Variants in PDE4D observed in about 807,000 individuals in gnomAD.
PDE4D encodes the protein 3',5'-cyclic-AMP phosphodiesterase 4D.
A neutral mutation model predicts 87.4 loss-of-function variants in PDE4D; 24 were observed. The ratio of observed to expected loss-of-function variants is 0.27; its 90% CI spans 0.20 to 0.39. The LOEUF is 0.39. Among genes scored for constraint, PDE4D ranks in the 10% least tolerant of loss-of-function variants. The pLI, the probability that PDE4D is intolerant of heterozygous loss-of-function variation, is 1.00. For synonymous variants in PDE4D, 384 were observed against 383.2 expected (o/e 1.00, Z -0.02); for missense variants, 714 against 1,041.0 (o/e 0.69, Z 4.32).
intron 1 of PDE4D, among the ~76,000 whole-genome samples, chr5:59,786,798 A>G (rs1051321482): frequency 3.3e-5 from 5 of 152,186 alleles, no homozygotes; most frequent in Admixed American, 2.0e-4. Context: ...ATAGCTTTGA[A>G]TCAAGTATCT....
At chr5:59,813,708 G>A (rs1768642200) in intron 1 of PDE4D, among the ~76,000 whole-genome samples, 2 of 152,118 alleles carry the variant, frequency 1.3e-5, no homozygotes, top group South Asian at 4.1e-4. Context: ...AAAAAACTCA[G>A]GCCTGTTAAG....
chr5:59,652,121 C>A (rs183128458), intron 1 of PDE4D, among the ~76,000 whole-genome samples: 1 of 152,312 alleles, frequency 6.6e-6, no homozygotes, highest in East Asian at 1.9e-4. Context: ...TCCCATAATT[C>A]TGCCTTCTTC....
At position 59,034,818 on chromosome 5, in the gene PDE4D, C is replaced by G. The variant is rs569240165; in HGVS notation, c.921+4041G>C. On this transcript the variant is annotated intron_variant, in intron 6 of 14. Coordinates refer to ENST00000340635, the MANE Select transcript of PDE4D (RefSeq NM_001104631.2). ...GGATTCTAACTTCAAGACAGACTTTCAGCTTGAAACACAGTCATTTCCAGC... is the reference window on the plus strand; with the variant it reads ...GGATTCTAACTTCAAGACAGACTTTGAGCTTGAAACACAGTCATTTCCAGC... Among the ~76,000 whole-genome samples the G allele has an allele frequency of 5.3e-5, 8 of 152,338 alleles. No homozygotes were observed. The East Asian group carries it at 9.6e-4, about 18-fold the overall frequency.
chr5:60,486,181 C>T (rs951647958), intron 1 of PDE4D, among the ~76,000 whole-genome samples: 11 of 152,158 alleles, frequency 7.2e-5, no homozygotes, highest in African/African-American at 2.2e-4. Context: ...CTTAGATGGG[C>T]TCCAGACCAC....
chr5:59,036,688 C>A (rs1758570875), intron 6 of PDE4D, among the ~76,000 whole-genome samples: 1 of 152,124 alleles, frequency 6.6e-6, no homozygotes, highest in African/African-American at 2.4e-5. Context: ...GTAAGCTTAG[C>A]ACTGATTTAG....
chr5:60,274,504 G>A (rs1751164192), intron 1 of PDE4D, among the ~76,000 whole-genome samples: 1 of 152,128 alleles, frequency 6.6e-6, no homozygotes, highest in Non-Finnish European at 1.5e-5. Context: ...GAGATTACCG[G>A]CATGTGCCAC....
intron 1 of PDE4D, among the ~76,000 whole-genome samples, chr5:59,401,933 C>T (rs369940033): frequency 6.6e-6 from 1 of 152,186 alleles, no homozygotes; most frequent in African/African-American, 2.4e-5. Context: ...AAGTTCAGGG[C>T]TTTTCTTCTA....
intron 1 of PDE4D, among the ~76,000 whole-genome samples, chr5:59,796,860 A>C (rs2152658001): frequency 6.6e-6 from 1 of 152,274 alleles, no homozygotes; most frequent in African/African-American, 2.4e-5. Context: ...GTTATGCTCA[A>C]ACCCAAACAA....
intron 1 of PDE4D, among the ~76,000 whole-genome samples, chr5:59,353,480 A>G (rs1217587641): frequency 6.6e-6 from 1 of 151,948 alleles, no homozygotes; most frequent in East Asian, 1.9e-4. Context: ...GTTGCTCTAA[A>G]GTAATTAGGT....
chr5:60,305,070 C>CACA (rs1491113759), intron 1 of PDE4D, among the ~76,000 whole-genome samples: 1 of 146,854 alleles, frequency 6.8e-6, no homozygotes, highest in African/African-American at 2.6e-5. Context: ...CACACACACA[C>CACA]AACACACAAC....
intron 1 of PDE4D, among the ~76,000 whole-genome samples, chr5:60,238,649 T>C (rs953256168): frequency 6.6e-6 from 1 of 152,038 alleles, no homozygotes; most frequent in African/African-American, 2.4e-5. Context: ...CAGCCATTTT[T>C]TTCTGTCGAT....
At chr5:59,657,015 C>G (rs1049794840) in intron 1 of PDE4D, among the ~76,000 whole-genome samples, 2 of 152,074 alleles carry the variant, frequency 1.3e-5, no homozygotes, top group African/African-American at 4.8e-5. Context: ...ATCAAATACA[C>G]CACATAAAAT....
At chr5:59,614,190 C>T (rs1445375599) in intron 1 of PDE4D, among the ~76,000 whole-genome samples, 1 of 152,134 alleles carries the variant, frequency 6.6e-6, no homozygotes, top group Non-Finnish European at 1.5e-5. Context: ...GGGGAGCACA[C>T]ATTGAGTTCA....
Position 60,402,477 on chromosome 5 carries a change from T to C in PDE4D, c.-90+85465A>G, listed in dbSNP as rs1009357048. On this transcript the variant is annotated intron_variant, in intron 1 of 16. Coordinates refer to the PDE4D transcript ENST00000502484. ...TGTTCAGTAATTGGCTCTACCCTTG[T>C]TCCGTGGGACACCTACAGCCACGAA... 2.6e-5 allele frequency among the ~76,000 whole-genome samples: 4 copies of C among 152,218 alleles called. No homozygotes were observed. The East Asian group carries it at 7.7e-4, about 29-fold the overall frequency.
chr5:59,559,862 T>C (rs564803146), intron 1 of PDE4D, among the ~76,000 whole-genome samples: 1 of 152,346 alleles, frequency 6.6e-6, no homozygotes, highest in African/African-American at 2.4e-5. Flanking sequence ...GTTCACAAAA[T>C]TTCCATTTTT....
chr5:59,942,342 G>A (rs963111641), intron 3 of PDE4D, among the ~76,000 whole-genome samples: 1 of 152,156 alleles, frequency 6.6e-6, no homozygotes. Context: ...CTCTTCCCAT[G>A]TGACTCTGGG....
At chr5:59,784,307 C>T (rs1764937258) in intron 1 of PDE4D, among the ~76,000 whole-genome samples, 1 of 150,332 alleles carries the variant, frequency 6.7e-6, no homozygotes, top group South Asian at 2.1e-4. Flanking sequence ...TAAAAGACCT[C>T]AGGAATTCAT....
At chr5:59,586,265 G>T in intron 1 of PDE4D, 3 of 1,222,966 alleles carry the variant, frequency 2.5e-6, no homozygotes, top group South Asian at 1.2e-5. Flanking sequence ...ATCCTCATCT[G>T]GTACCTGTCA....
rs543904975 is a variant in PDE4D at position 60,108,382 on chromosome 5, A to G, written c.42+77175T>C. ...AGAGGATACAAACAAATGGAAGAACATTCCATGTTCATGGGTCGGAAGAAT... is the reference window on the plus strand; with the variant it reads ...AGAGGATACAAACAAATGGAAGAACGTTCCATGTTCATGGGTCGGAAGAAT... On this transcript the variant is annotated intron_variant, in intron 2 of 16. Transcript: ENST00000502484. Among the ~76,000 whole-genome samples the G allele has an allele frequency of 2.1e-3, 321 of 152,300 alleles. 4 individuals are homozygous for G. Among genetic ancestry groups the G allele is most frequent in the African/African-American group, 7.4e-3 (309 of 41,546 alleles).
Sources: allele counts gnomAD v4.1 joint callset (sites outside exome capture counted in the v4.1 genomes callset), GRCh38; gene constraint gnomAD v4.1.1; transcripts MANE v1.5; gene names NCBI Gene and HGNC (gene_info 2026-07-23, HGNC 2026-07-21).